AGBL1: variants seen among roughly 807,000 people sequenced by gnomAD.
AGBL1 encodes cytosolic carboxypeptidase 4.
Under a neutral mutation model 118.9 loss-of-function variants are expected in AGBL1, and 130 were observed. That is an observed-to-expected ratio of 1.09 (90% CI 0.95 to 1.26). AGBL1 has a LOEUF of 1.26. Ranked by LOEUF, AGBL1 falls within the 50% of genes most tolerant of loss-of-function variation. The pLI is 0.00. For synonymous variants in AGBL1, 555 were observed against 478.9 expected (o/e 1.16, Z -2.08); for missense variants, 1,584 against 1,298.1 (o/e 1.22, Z -3.38).
intron 24 of AGBL1, among the ~76,000 whole-genome samples, chr15:87,012,214 C>CAT (rs1267054789): frequency 3.6e-5 from 5 of 139,020 alleles, no homozygotes. Flanking sequence ...CACACACACA[C>CAT]ACACACACAC....
At chr15:86,844,334 T>G (rs2079288306) in intron 22 of AGBL1, among the ~76,000 whole-genome samples, 1 of 152,194 alleles carries the variant, frequency 6.6e-6, no homozygotes, top group South Asian at 2.1e-4. Context: ...TCATAAGCAG[T>G]GAATGAGGGT....
intron 21 of AGBL1, among the ~76,000 whole-genome samples, chr15:86,566,898 A>G (rs1739942642): frequency 6.6e-6 from 1 of 152,202 alleles, no homozygotes; most frequent in South Asian, 2.1e-4. Context: ...TCTACATTTC[A>G]CAGTTGTGAC....
chr15:86,440,427 C>G (rs1386896101), intron 18 of AGBL1, among the ~76,000 whole-genome samples: 1 of 151,454 alleles, frequency 6.6e-6, no homozygotes, highest in Non-Finnish European at 1.5e-5. Context: ...GATCAAGAAT[C>G]TGTTATCAAG....
chr15:86,246,123 C>T (rs964864027), intron 6 of AGBL1, among the ~76,000 whole-genome samples: 3 of 152,094 alleles, frequency 2.0e-5, no homozygotes, highest in South Asian at 4.1e-4. Flanking sequence ...GGCCTCAAGC[C>T]GTCCTCCTGC....
At chr15:86,285,676 T>A (rs1042254960) in intron 16 of AGBL1, among the ~76,000 whole-genome samples, 3 of 152,218 alleles carry the variant, frequency 2.0e-5, no homozygotes, top group Admixed American at 6.5e-5. Flanking sequence ...AGCATGAGAA[T>A]GGACTAATAC....
At chr15:86,796,804 G>A (rs1225906644) in intron 22 of AGBL1, among the ~76,000 whole-genome samples, 1 of 152,190 alleles carries the variant, frequency 6.6e-6, no homozygotes, top group Non-Finnish European at 1.5e-5. Flanking sequence ...AGTCCACAAA[G>A]CGATACTGTC....
chr15:86,565,836 G>C (rs887896206), intron 21 of AGBL1, among the ~76,000 whole-genome samples: 1 of 152,224 alleles, frequency 6.6e-6, no homozygotes, highest in Admixed American at 6.5e-5. Context: ...AATGGTGGGT[G>C]CCCCTCCCCC....
intron 21 of AGBL1, among the ~76,000 whole-genome samples, chr15:86,577,011 C>T (rs1186238529): frequency 1.3e-5 from 2 of 152,194 alleles, no homozygotes; most frequent in South Asian, 2.1e-4. Context: ...GAATAGGATT[C>T]TGCTGAAAAG....
chr15:86,550,786 T>A (rs527833546), intron 20 of AGBL1, among the ~76,000 whole-genome samples: 38 of 152,140 alleles, frequency 2.5e-4, no homozygotes, highest in South Asian at 6.2e-4. Flanking sequence ...TGTATATTCT[T>A]TTTGAGTGCA....
At position 86,713,087 on chromosome 15, in the gene AGBL1, C is replaced by T. The variant is rs376607743; in HGVS notation, c.3158+38651C>T. Among the ~76,000 whole-genome samples the T allele has an allele frequency of 2.7e-4, 41 of 152,268 alleles. No individual in the cohort carries two copies. The East Asian group carries it at 7.4e-3, about 27-fold the overall frequency. ...GGCTGGGGTCTTTGTCTTATTTACACAGGCATTACTGGACCCTACACTCCC... is the reference window on the plus strand; with the variant it reads ...GGCTGGGGTCTTTGTCTTATTTACATAGGCATTACTGGACCCTACACTCCC... On this transcript the variant is annotated intron_variant, in intron 22 of 22. Transcript: ENST00000614907.
At chr15:86,276,640 C>G (rs1054344293) in intron 15 of AGBL1, among the ~76,000 whole-genome samples, 1 of 152,108 alleles carries the variant, frequency 6.6e-6, no homozygotes, top group Non-Finnish European at 1.5e-5. Flanking sequence ...GATAAGGGGG[C>G]TATCAGGGCA....
intron 18 of AGBL1, among the ~76,000 whole-genome samples, chr15:86,445,433 C>T (rs1459626029): frequency 1.3e-5 from 2 of 152,218 alleles, no homozygotes; most frequent in African/African-American, 2.4e-5. Context: ...GGGAACTTCC[C>T]TTGCAGTTGA....
At chr15:86,858,704 A>G (rs755716580) in intron 22 of AGBL1, among the ~76,000 whole-genome samples, 2 of 152,198 alleles carry the variant, frequency 1.3e-5, no homozygotes, top group East Asian at 1.9e-4. Context: ...AAGAACAAAC[A>G]TAAGTAAAAT....
intron 21 of AGBL1, among the ~76,000 whole-genome samples, chr15:86,576,568 T>C (rs907440043): frequency 6.6e-6 from 1 of 152,208 alleles, no homozygotes; most frequent in African/African-American, 2.4e-5. Context: ...CACATCCAGT[T>C]AGGTTACAGT....
At chr15:86,095,647 C>CT (rs397854465) in intron 1 of AGBL1, among the ~76,000 whole-genome samples, 1,671 of 15,514 alleles carry the variant, frequency 0.11, 49 homozygotes, top group Admixed American at 0.19. Flanking sequence ...CCTTGGATAC[C>CT]TTTTTTTTTT....
At position 86,339,064 on chromosome 15, in the gene AGBL1, A is replaced by G. The variant is rs546569849; in HGVS notation, c.2374+43656A>G. 7.6e-4 allele frequency among the ~76,000 whole-genome samples: 115 copies of G among 152,244 alleles called. 2 individuals carry two copies. The South Asian group carries it at 0.023, about 31-fold the overall frequency. ...TGTGTGATTTTTCTTTAGTTTGTTAATATGGTAGATAATACATTGCTTTAT... is the reference window on the plus strand; with the variant it reads ...TGTGTGATTTTTCTTTAGTTTGTTAGTATGGTAGATAATACATTGCTTTAT... On this transcript the variant is annotated intron_variant, in intron 17 of 22. Transcript: ENST00000614907.
chr15:86,165,698 A>G (rs1263476428), intron 5 of AGBL1, among the ~76,000 whole-genome samples: 1 of 152,100 alleles, frequency 6.6e-6, no homozygotes, highest in Admixed American at 6.5e-5. Flanking sequence ...TCTCCAGGGC[A>G]TGGCCTCACA....
chr15:86,459,166 G>T (rs1392781169), intron 18 of AGBL1, among the ~76,000 whole-genome samples: 1 of 152,096 alleles, frequency 6.6e-6, no homozygotes, highest in African/African-American at 2.4e-5. Context: ...AGTGTAATAG[G>T]CTCCCTTGAA....
At chr15:86,462,992 T>C (rs1227681467) in intron 18 of AGBL1, among the ~76,000 whole-genome samples, 1 of 152,242 alleles carries the variant, frequency 6.6e-6, no homozygotes, top group African/African-American at 2.4e-5. Context: ...TTTCTAGTTC[T>C]AGATCCTTGA....
Sources: allele counts gnomAD v4.1 joint callset (sites outside exome capture counted in the v4.1 genomes callset), GRCh38; gene constraint gnomAD v4.1.1; transcripts MANE v1.5; gene names NCBI Gene and HGNC (gene_info 2026-07-23, HGNC 2026-07-21).